CCDC12: variants seen among roughly 807,000 people sequenced by gnomAD.
The protein encoded by CCDC12 is coiled-coil domain-containing protein 12.
Under a neutral mutation model 25.7 loss-of-function variants are expected in CCDC12, and 28 were observed. The observed-to-expected ratio is 1.09, with a 90% confidence interval of 0.81 to 1.50. The LOEUF is 1.50. CCDC12 is among the 40% of genes most tolerant of loss of function. The probability of loss-of-function intolerance (pLI) is 0.00; values close to 1 mark genes in which losing one functional copy is unlikely to be tolerated. For missense variants in CCDC12, 198 were observed against 210.0 expected (o/e 0.94, Z 0.35); for synonymous variants, 75 against 87.7 (o/e 0.86, Z 0.81).
intron 1 of CCDC12, among the ~76,000 whole-genome samples, chr3:46,958,256 G>A (rs1365889385): frequency 6.6e-6 from 1 of 152,120 alleles, no homozygotes; most frequent in Non-Finnish European, 1.5e-5. Context: ...ACAAGATAAG[G>A]GTAATCACCC....
In CCDC12 at chr3:46,961,530, G is replaced by A. The variant is rs143945078; in HGVS notation, c.96+15107C>T. 1.4e-3 allele frequency among the ~76,000 whole-genome samples: 206 copies of A among 152,326 alleles called. 1 individual carries two copies. Among genetic ancestry groups the A allele is most frequent in the African/African-American group, 4.6e-3 (192 of 41,576 alleles). On this transcript the variant is annotated intron_variant, in intron 1 of 6. Transcript: ENST00000683445. ...CTCAGCAGGTCCTTGTCTTCCCTGG[G>A]AGTCCATGTTGTCTTTTCTCTAGTG... is the stretch of plus-strand genomic sequence containing the variant.
intron 1 of CCDC12, among the ~76,000 whole-genome samples, chr3:46,969,901 C>CT (rs58273135): frequency 1.3e-4 from 14 of 111,216 alleles, no homozygotes; most frequent in African/African-American, 4.5e-4. Flanking sequence ...AGCCATATTT[C>CT]TTTTTTTTTT....
At chr3:46,928,768 G>T (rs1575537730) in intron 2 of CCDC12, among the ~76,000 whole-genome samples, 1 of 152,280 alleles carries the variant, frequency 6.6e-6, no homozygotes, top group East Asian at 1.9e-4. Flanking sequence ...AATACTAAAA[G>T]GAATACTTTA....
rs748637223 is a variant in CCDC12 at position 46,923,507 on chromosome 3, G to A, written c.306+100C>T. On this transcript the variant is annotated intron_variant, in intron 4 of 6. Transcript: ENST00000683445. ...AAGGGGCTGGTGGGAAGGGAATAAA[G>A]AAGTGACGAGAAGGAATGGGGGGCA... 2.8e-6 allele frequency: 4 copies of A among 1,448,818 alleles called. No homozygotes were observed. The Admixed American group carries it at 5.8e-5, about 21-fold the overall frequency. The allele number at this position is 1,448,818 out of a possible 1,614,324, so 89.7% of individuals were successfully genotyped here. A position where few individuals can be genotyped will look rare whatever the true frequency, so the allele number is the denominator to read the frequency against.
upstream of CCDC12, chr3:46,976,970 G>GAAA: frequency 1.6e-5 from 3 of 190,050 alleles, no homozygotes; most frequent in Non-Finnish European, 2.7e-5. Context: ...AAAAAAAAAA[G>GAAA]AAAAAAAAAA....
At chr3:46,947,478 A>G (rs1184693434) in intron 1 of CCDC12, among the ~76,000 whole-genome samples, 1 of 152,146 alleles carries the variant, frequency 6.6e-6, no homozygotes, top group Admixed American at 6.5e-5. Flanking sequence ...CTGAAGATGG[A>G]GTGATAAGAA....
At chr3:46,927,954 G>T (rs1169717282) in intron 2 of CCDC12, among the ~76,000 whole-genome samples, 1 of 152,194 alleles carries the variant, frequency 6.6e-6, no homozygotes, top group Admixed American at 6.5e-5. Context: ...AGGAGCATGG[G>T]GGGGTTCAGC....
In CCDC12 at chr3:46,930,243, C is replaced by T. The variant is rs1012113537; in HGVS notation, c.165-4708G>A. ...GAATTTCTAATCAGTATTCTTCCTA[C>T]ACAGAAACAACCAACGAAGTACTCA... On this transcript the variant is annotated intron_variant, in intron 2 of 6. Coordinates refer to ENST00000683445, the MANE Select transcript of CCDC12 (RefSeq NM_001277074.2). 4.6e-5 allele frequency among the ~76,000 whole-genome samples: 7 copies of T among 152,092 alleles called. No homozygotes were observed. The East Asian group carries it at 1.4e-3, about 29-fold the overall frequency.
intron 1 of CCDC12, among the ~76,000 whole-genome samples, chr3:46,955,334 A>C (rs2034254956): frequency 6.6e-6 from 1 of 152,176 alleles, no homozygotes; most frequent in African/African-American, 2.4e-5. Flanking sequence ...CAAAAAGGTG[A>C]CTAAAGCAAG....
chr3:46,922,218 C>T lies in CCDC12; in HGVS notation c.418+18G>A. 3 of 1,614,278 alleles carry T rather than the reference C, an allele frequency of 1.9e-6. No individual in the cohort carries two copies. In the South Asian group the frequency reaches 3.3e-5, roughly 18 times the overall value. On this transcript the variant is annotated intron_variant, in intron 6 of 6. Coordinates refer to ENST00000683445, the MANE Select transcript of CCDC12 (RefSeq NM_001277074.2). ...CACCCAGTGGGCAGGACCCCACCTTCCCAGGCACTGCACTTACGGATCAGC... is the reference window on the plus strand; with the variant it reads ...CACCCAGTGGGCAGGACCCCACCTTTCCAGGCACTGCACTTACGGATCAGC...
intron 1 of CCDC12, among the ~76,000 whole-genome samples, chr3:46,959,139 A>AT (rs1260378211): frequency 2.0e-5 from 3 of 152,146 alleles, no homozygotes; most frequent in Admixed American, 6.5e-5. Flanking sequence ...GAACTGGCAC[A>AT]TTTTTTTGTG....
intron 1 of CCDC12, among the ~76,000 whole-genome samples, chr3:46,959,172 G>A (rs1357906941): frequency 6.7e-6 from 1 of 149,982 alleles, no homozygotes; most frequent in African/African-American, 2.5e-5. Flanking sequence ...GCTTCACAAG[G>A]TCTTATCCCC....
rs1049718302 is a variant in CCDC12 at position 46,921,796 on chromosome 3, A to G, written c.*261T>C. 4.5e-5 allele frequency: 24 copies of G among 537,852 alleles called. No individual in the cohort carries two copies. In the African/African-American group the frequency reaches 4.5e-4, roughly 10 times the overall value. The allele number at this position is 537,852 out of a possible 1,614,324, so 33.3% of individuals were successfully genotyped here. The stretch of plus-strand genomic sequence containing the variant: ...TTTTTAGAAAGTTCAAAATATATAC[A>G]TATATACAGACATATGTACATCCAC... On this transcript the variant is annotated 3_prime_UTR_variant, in exon 7 of 7. Transcript: ENST00000683445.
intron 4 of CCDC12, 55 bp from the exon 5 acceptor site, chr3:46,923,418 G>T (rs762362455): frequency 6.4e-7 from 1 of 1,557,374 alleles, no homozygotes; most frequent in Non-Finnish European, 8.7e-7. Flanking sequence ...GGACAAGGGG[G>T]AGGGCAGGCT....
In CCDC12 at chr3:46,921,970, G is replaced by A; in HGVS notation, c.*87C>T. The A allele has an allele frequency of 7.0e-7, 1 of 1,421,618 alleles. No homozygotes were observed. The highest frequency in any genetic ancestry group is 1.4e-5 in the African/African-American group (1 of 71,240). 88.1% of individuals were successfully genotyped at this position (1,421,618 alleles called of 1,614,324 possible). On this transcript the variant is annotated 3_prime_UTR_variant, in exon 7 of 7. Coordinates refer to ENST00000683445, the MANE Select transcript of CCDC12 (RefSeq NM_001277074.2). ...GTCTCTGCTCAGAAGCCAAACTGGA[G>A]GTGATGGCAAGCCTAGCCCCCATCC... is the stretch of plus-strand genomic sequence containing the variant.
At chr3:46,968,842 G>C (rs1417195891) in intron 1 of CCDC12, among the ~76,000 whole-genome samples, 1 of 152,192 alleles carries the variant, frequency 6.6e-6, no homozygotes, top group African/African-American at 2.4e-5. Flanking sequence ...AAGCACGACT[G>C]TGGGATGTTC....
intron 1 of CCDC12, among the ~76,000 whole-genome samples, chr3:46,968,329 A>G (rs2034699163): frequency 8.0e-6 from 1 of 124,526 alleles, no homozygotes; most frequent in Non-Finnish European, 1.7e-5. Flanking sequence ...GGTGCAGGAG[A>G]AGGACCTCTT....
intron 1 of CCDC12, among the ~76,000 whole-genome samples, chr3:46,951,794 A>T (rs55995133): frequency 0.13 from 3,099 of 23,154 alleles, 206 homozygotes; most frequent in Non-Finnish European, 0.22. Flanking sequence ...AAAAAAAAAA[A>T]AAAAATATAT....
At chr3:46,967,501 G>T (rs930268304) in intron 1 of CCDC12, among the ~76,000 whole-genome samples, 4 of 152,048 alleles carry the variant, frequency 2.6e-5, no homozygotes, top group Non-Finnish European at 5.9e-5. Flanking sequence ...CTCTTCCCTA[G>T]ATCTTGGCAT....
Sources: gnomAD v4.1 joint callset for allele counts (sites outside exome capture counted in the v4.1 genomes callset) on GRCh38, gnomAD v4.1.1 for gene constraint, MANE v1.5 for transcripts, NCBI Gene and HGNC (gene_info 2026-07-23, HGNC 2026-07-21) for gene names.